The following PEAK1 variants were observed in gnomAD, a reference collection of about 807,000 sequenced individuals.
The protein encoded by PEAK1 is pseudopodium enriched atypical kinase 1, also known as inactive tyrosine-protein kinase PEAK1.
Under a neutral mutation model 124.7 loss-of-function variants are expected in PEAK1, and 54 were observed. The observed-to-expected ratio is 0.43, with a 90% confidence interval of 0.35 to 0.54. The LOEUF (loss-of-function observed/expected upper bound fraction) is 0.54. Among genes scored for constraint, PEAK1 ranks in the 20% least tolerant of loss-of-function variants. PEAK1 has a pLI of 0.01. For missense variants in PEAK1, 2,046 were observed against 2,134.5 expected, an observed-to-expected ratio of 0.96 and a Z score of 0.82; for synonymous variants, 719 against 760.0, an observed-to-expected ratio of 0.95 and a Z score of 0.89.
chr15:77,321,617 T>G (rs1213322625), intron 2 of PEAK1, among the ~76,000 whole-genome samples: 3 of 152,246 alleles, frequency 2.0e-5, no homozygotes, highest in Non-Finnish European at 4.4e-5. Flanking sequence ...GCCTGTTCAC[T>G]CTGATGGTAG....
rs1249120817 is a variant in PEAK1, at chr15:77,213,472, C to T, written c.-114-31432G>A. ...TTTAGGAGGCCGAGGTGGGTGATCA[C>T]GAAGACACGAGTTCAAGACCAGCCT... On this transcript the variant is annotated intron_variant, in intron 6 of 9. Transcript: ENST00000682557. 3.3e-5 allele frequency among the ~76,000 whole-genome samples: 5 copies of T among 151,994 alleles called. No homozygotes were observed. The South Asian group carries it at 6.2e-4, about 19-fold the overall frequency.
chr15:77,160,703 GA>G (rs200819592), intron 7 of PEAK1, among the ~76,000 whole-genome samples: 2 of 150,812 alleles, frequency 1.3e-5, no homozygotes, highest in Non-Finnish European at 3.0e-5. Context: ...ACACTTGAAA[GA>G]AAAAAAAATG....
chr15:77,325,141 G>C (rs943214054), intron 2 of PEAK1, among the ~76,000 whole-genome samples: 1 of 152,226 alleles, frequency 6.6e-6, no homozygotes, highest in African/African-American at 2.4e-5. Context: ...TCCCTTGGCT[G>C]GGTGTGGTGG....
intron 1 of PEAK1, among the ~76,000 whole-genome samples, chr15:77,382,124 T>C (rs1452773549): frequency 2.0e-5 from 3 of 152,154 alleles, no homozygotes; most frequent in African/African-American, 7.2e-5. Context: ...CCCTCCTCTC[T>C]ATCTATCTCT....
At chr15:77,414,882 A>G (rs905230827) in intron 1 of PEAK1, among the ~76,000 whole-genome samples, 1 of 152,204 alleles carries the variant, frequency 6.6e-6, no homozygotes, top group Non-Finnish European at 1.5e-5. Context: ...CTTCCAGCTC[A>G]TAATCCAGGA....
chr15:77,399,341 A>G (rs1274130857), intron 1 of PEAK1, among the ~76,000 whole-genome samples: 1 of 152,214 alleles, frequency 6.6e-6, no homozygotes, highest in Non-Finnish European at 1.5e-5. Flanking sequence ...ATGGAACCAC[A>G]AAGACCCAAA....
chr15:77,241,374 C>T (rs1052824970), intron 6 of PEAK1, among the ~76,000 whole-genome samples: 4 of 152,040 alleles, frequency 2.6e-5, no homozygotes, highest in Non-Finnish European at 4.4e-5. Context: ...CAGCTAATAT[C>T]GTATTTAATA....
intron 2 of PEAK1, among the ~76,000 whole-genome samples, chr15:77,297,159 A>G (rs2063526571): frequency 6.6e-6 from 1 of 151,908 alleles, no homozygotes; most frequent in South Asian, 2.1e-4. Context: ...TACACAGAGA[A>G]TGTGAAATGC....
At chr15:77,299,767 T>TCAG (rs1044746042) in intron 2 of PEAK1, among the ~76,000 whole-genome samples, 41 of 152,212 alleles carry the variant, frequency 2.7e-4, no homozygotes, top group African/African-American at 9.9e-4. Flanking sequence ...CTGCATCCTA[T>TCAG]CAGCTAGGAA....
At chr15:77,279,693 T>G (rs1029498454) in intron 5 of PEAK1, among the ~76,000 whole-genome samples, 1 of 152,246 alleles carries the variant, frequency 6.6e-6, no homozygotes, top group Non-Finnish European at 1.5e-5. Context: ...ACTGGGTTTA[T>G]AGTGGCTTTC....
chr15:77,358,801 G>T (rs1197438021), intron 2 of PEAK1, among the ~76,000 whole-genome samples: 2 of 152,150 alleles, frequency 1.3e-5, no homozygotes, highest in Non-Finnish European at 2.9e-5. Flanking sequence ...ATATAAATCA[G>T]TATGGTTTGT....
intron 6 of PEAK1, among the ~76,000 whole-genome samples, chr15:77,225,958 C>G (rs1222669438): frequency 1.4e-5 from 2 of 143,132 alleles, no homozygotes; most frequent in Non-Finnish European, 3.0e-5. Flanking sequence ...GCATTACGCT[C>G]TAAGTATTTA....
chr15:77,311,999 G>A (rs1465343659), intron 2 of PEAK1, among the ~76,000 whole-genome samples: 1 of 152,120 alleles, frequency 6.6e-6, no homozygotes, highest in Non-Finnish European at 1.5e-5. Context: ...GGGATACTAG[G>A]TATGAAGAGT....
chr15:77,250,648 T>C (rs1328310033), intron 6 of PEAK1, among the ~76,000 whole-genome samples: 1 of 151,978 alleles, frequency 6.6e-6, no homozygotes, highest in Admixed American at 6.6e-5. Context: ...TTAGCCAGGA[T>C]GGTCTCCATC....
In PEAK1 at chr15:77,114,363, G is replaced by C; in HGVS notation, c.5034C>G (p.Phe1678Leu). 1 of 1,614,216 alleles carries C rather than the reference G, an allele frequency of 6.2e-7. No individual in the cohort carries two copies. Among genetic ancestry groups the C allele is most frequent in the South Asian group, 1.1e-5 (1 of 91,088 alleles). Reference sequence around the variant, plus strand: ...TCTGTACTAGGCTAGGGCAGGCGGTGAAAGTCTGGAAGAGATCTTCGCGGG... The same window carrying C: ...TCTGTACTAGGCTAGGGCAGGCGGTCAAAGTCTGGAAGAGATCTTCGCGGG... ...WGPREDLFQT[F>L]TACPSLVQRN... Residue 1678 changes from phenylalanine to leucine, a missense_variant, in exon 10 of 10, where the codon TTC becomes TTG. Phe to Leu is a conservative substitution (Grantham distance 22, BLOSUM62 0). Coordinates refer to ENST00000682557, the MANE Select transcript of PEAK1 (RefSeq NM_001385026.1).
In PEAK1 at chr15:77,218,368, C is replaced by T. The variant is rs571379853; in HGVS notation, c.-115+33999G>A. 1.1e-4 allele frequency among the ~76,000 whole-genome samples: 16 copies of T among 151,594 alleles called. No homozygotes were observed. The East Asian group carries it at 2.5e-3, about 24-fold the overall frequency. On this transcript the variant is annotated intron_variant, in intron 6 of 9. Transcript: ENST00000682557. ...CATTTGACTTTGTCAAATGTTTTCT[C>T]GCATTTATTGAAATAATCATGTTTT...
At chr15:77,375,537 A>G (rs2068938807) in intron 1 of PEAK1, among the ~76,000 whole-genome samples, 1 of 152,252 alleles carries the variant, frequency 6.6e-6, no homozygotes, top group Admixed American at 6.5e-5. Context: ...TTTAGTAATT[A>G]CACTTCTGAC....
chr15:77,311,983 G>A (rs1416775841), intron 2 of PEAK1, among the ~76,000 whole-genome samples: 1 of 152,098 alleles, frequency 6.6e-6, no homozygotes, highest in East Asian at 1.9e-4. Context: ...ATGAACACTG[G>A]GAGTAGGGAT....
At chr15:77,119,499 T>G (rs924742576) in intron 9 of PEAK1, among the ~76,000 whole-genome samples, 3 of 152,240 alleles carry the variant, frequency 2.0e-5, no homozygotes, top group Non-Finnish European at 4.4e-5. Flanking sequence ...TGAAGCATTC[T>G]GACCAGATTC....
Sources: gnomAD v4.1 joint callset for allele counts (sites outside exome capture counted in the v4.1 genomes callset) on GRCh38, gnomAD v4.1.1 for gene constraint, MANE v1.5 for transcripts, NCBI Gene and HGNC (gene_info 2026-07-23, HGNC 2026-07-21) for gene names.